The following FGF14 variants were observed in gnomAD, a reference collection of about 807,000 sequenced individuals.
The protein encoded by FGF14 is fibroblast growth factor 14.
FGF14 carries 5 observed loss-of-function variants against 25.5 expected under a neutral mutation model. The ratio of observed to expected loss-of-function variants is 0.20; its 90% CI spans 0.10 to 0.41. FGF14 has a LOEUF of 0.41. Ranked by LOEUF, FGF14 falls within the 10% of genes least tolerant of loss-of-function variation. The pLI is 1.00. For synonymous variants in FGF14, 138 were observed against 118.3 expected (o/e 1.17, Z -1.08); for missense variants, 222 against 320.1 (o/e 0.69, Z 2.34).
At chr13:102,185,898 C>T (rs910405655) in intron 1 of FGF14, among the ~76,000 whole-genome samples, 2 of 152,116 alleles carry the variant, frequency 1.3e-5, no homozygotes, top group Non-Finnish European at 2.9e-5. Flanking sequence ...ACTGTTTAAC[C>T]CTTTCATACC....
At chr13:102,267,507 T>C (rs756327731) in intron 1 of FGF14, among the ~76,000 whole-genome samples, 1 of 152,174 alleles carries the variant, frequency 6.6e-6, no homozygotes, top group Non-Finnish European at 1.5e-5. Flanking sequence ...GAAGGACATA[T>C]GAAATGTATT....
chr13:102,273,235 C>T (rs149011270), intron 1 of FGF14, among the ~76,000 whole-genome samples: 2 of 152,262 alleles, frequency 1.3e-5, no homozygotes, highest in Non-Finnish European at 2.9e-5. Context: ...AAAAATAGAC[C>T]TAACCTAGTT....
intron 1 of FGF14, among the ~76,000 whole-genome samples, chr13:101,943,822 A>ATATATATATATATATATATAT (rs1266549387): frequency 2.4e-5 from 3 of 122,472 alleles, no homozygotes; most frequent in African/African-American, 1.5e-4. Context: ...TAAAAAAAAA[A>ATATATATATATATATATATAT]AAAAATATAT....
chr13:102,264,380 A>C (rs1286759213), intron 1 of FGF14, among the ~76,000 whole-genome samples: 2 of 152,314 alleles, frequency 1.3e-5, no homozygotes, highest in East Asian at 3.9e-4. Flanking sequence ...CATGAAATAT[A>C]TAAAGCACGA....
chr13:102,352,631 T>C (rs1174214666), intron 1 of FGF14, among the ~76,000 whole-genome samples: 1 of 151,900 alleles, frequency 6.6e-6, no homozygotes, highest in African/African-American at 2.4e-5. Context: ...GCTAACACGA[T>C]GAAACCCCGT....
rs2034733710 is a variant in FGF14, at chr13:101,716,640, A to T, written c.*6191T>A. ...TTAAAAAGACAATATTGAGTTACAT[A>T]TAAAATGGGCCTGAAGTATGCATCC... is the stretch of plus-strand genomic sequence containing the variant. On this transcript the variant is annotated 3_prime_UTR_variant, in exon 5 of 5. Coordinates refer to ENST00000376143, the MANE Select transcript of FGF14 (RefSeq NM_004115.4). The T allele has an allele frequency of 6.6e-6, 1 of 152,102 alleles. No individual in the cohort carries two copies. The highest frequency in any genetic ancestry group is 2.1e-4 in the South Asian group (1 of 4,830). The allele number at this position is 152,102 out of a possible 1,614,324, so 9.4% of individuals were successfully genotyped here.
intron 3 of FGF14, among the ~76,000 whole-genome samples, chr13:101,859,922 G>T (rs772239524): frequency 6.6e-6 from 1 of 151,986 alleles, no homozygotes; most frequent in African/African-American, 2.4e-5. Flanking sequence ...GAAAGGAAGC[G>T]ATTTATTAAA....
chr13:101,990,021 C>T (rs1158414217), intron 1 of FGF14, among the ~76,000 whole-genome samples: 3 of 152,182 alleles, frequency 2.0e-5, no homozygotes, highest in East Asian at 1.9e-4. Flanking sequence ...TTTTTGTCAA[C>T]TTTTTGTTTG....
intron 1 of FGF14, among the ~76,000 whole-genome samples, chr13:102,108,416 G>A (rs1322691062): frequency 1.3e-5 from 2 of 151,374 alleles, no homozygotes; most frequent in East Asian, 3.9e-4. Flanking sequence ...GTAGATATCG[G>A]TCAAACAAGC....
At chr13:101,814,864 A>G (rs907026550) in intron 3 of FGF14, among the ~76,000 whole-genome samples, 11 of 152,256 alleles carry the variant, frequency 7.2e-5, no homozygotes, top group Admixed American at 1.3e-4. Context: ...ACATTTTCAT[A>G]TAAGTCTTTC....
chr13:102,010,151 T>C (rs759141505), intron 1 of FGF14, among the ~76,000 whole-genome samples: 2 of 152,210 alleles, frequency 1.3e-5, no homozygotes, highest in Non-Finnish European at 2.9e-5. Flanking sequence ...CTCTTTTTAC[T>C]AGGTGCATGG....
At chr13:101,877,783 C>T (rs976240910) in intron 1 of FGF14, among the ~76,000 whole-genome samples, 4 of 152,294 alleles carry the variant, frequency 2.6e-5, no homozygotes, top group African/African-American at 9.6e-5. Context: ...AAAACCTCTT[C>T]TCAGATCCAT....
intron 1 of FGF14, among the ~76,000 whole-genome samples, chr13:102,318,261 C>A (rs543153502): frequency 6.6e-6 from 1 of 152,260 alleles, no homozygotes; most frequent in East Asian, 1.9e-4. Flanking sequence ...ATAGGGAGTG[C>A]CCTGGGTGCC....
rs1408286562 is a variant in FGF14 at position 102,133,222 on chromosome 13, C to A, written c.209-257926G>T. Among the ~76,000 whole-genome samples, 9 of 152,204 alleles carry A rather than the reference C, an allele frequency of 5.9e-5. No homozygotes were observed. The East Asian group carries it at 1.7e-3, about 29-fold the overall frequency. On this transcript the variant is annotated intron_variant, in intron 1 of 4. Coordinates refer to the FGF14 transcript ENST00000376131. ...TAGGTCTGCACTGATTTTAATCAAA[C>A]TATTCCAAATAGCTTTTTGATCATA...
At chr13:102,211,206 AG>A (rs1420309632) in intron 1 of FGF14, among the ~76,000 whole-genome samples, 1 of 152,184 alleles carries the variant, frequency 6.6e-6, no homozygotes, top group Admixed American at 6.5e-5. Context: ...ATAACTTTAC[AG>A]GAAGGAAGAG....
At chr13:102,123,811 A>G (rs2045837101) in intron 1 of FGF14, among the ~76,000 whole-genome samples, 1 of 152,178 alleles carries the variant, frequency 6.6e-6, no homozygotes, top group African/African-American at 2.4e-5. Context: ...GGCACTCCAT[A>G]GAATAAGTGT....
At chr13:102,020,462 C>T (rs1378558154) in intron 1 of FGF14, among the ~76,000 whole-genome samples, 2 of 151,940 alleles carry the variant, frequency 1.3e-5, no homozygotes, top group South Asian at 2.1e-4. Context: ...GCAGGAGAAT[C>T]GCTTAAATCT....
chr13:102,242,445 C>A (rs555443343), intron 1 of FGF14, among the ~76,000 whole-genome samples: 1 of 152,082 alleles, frequency 6.6e-6, no homozygotes, highest in Non-Finnish European at 1.5e-5. Flanking sequence ...GGGTCAGCAT[C>A]TGGCAAGGGC....
At chr13:102,198,261 G>A (rs943294783) in intron 1 of FGF14, among the ~76,000 whole-genome samples, 1 of 152,138 alleles carries the variant, frequency 6.6e-6, no homozygotes, top group Admixed American at 6.5e-5. Flanking sequence ...CAATCTCCTG[G>A]AGCTGATGGT....
Sources: allele counts gnomAD v4.1 joint callset (sites outside exome capture counted in the v4.1 genomes callset), GRCh38; gene constraint gnomAD v4.1.1; transcripts MANE v1.5; gene names NCBI Gene and HGNC (gene_info 2026-07-23, HGNC 2026-07-21).